SLMAP: variants seen among roughly 807,000 people sequenced by gnomAD.
The protein encoded by SLMAP is sarcolemma associated protein.
A neutral mutation model predicts 128.8 loss-of-function variants in SLMAP; 44 were observed. That is an observed-to-expected ratio of 0.34 (90% CI 0.27 to 0.44). The LOEUF (loss-of-function observed/expected upper bound fraction) is 0.44. SLMAP is among the 20% of genes least tolerant of loss of function. The pLI, the probability that SLMAP is intolerant of heterozygous loss-of-function variation, is 1.00. For missense variants in SLMAP, 787 were observed against 985.3 expected (o/e 0.80, Z 2.69); for synonymous variants, 327 against 348.8 (o/e 0.94, Z 0.70).
At chr3:57,868,785 G>T (rs2095375717) in intron 13 of SLMAP, among the ~76,000 whole-genome samples, 1 of 92,764 alleles carries the variant, frequency 1.1e-5, no homozygotes, top group African/African-American at 4.2e-5. Flanking sequence ...TAGAGGGACA[G>T]AACTAATGGA....
chr3:57,857,523 T>C (rs1329561629), intron 6 of SLMAP, among the ~76,000 whole-genome samples: 3 of 152,218 alleles, frequency 2.0e-5, no homozygotes, highest in African/African-American at 7.2e-5. Flanking sequence ...AAATATCTTG[T>C]ACTGCACTAT....
chr3:57,923,116 C>A, intron 23 of SLMAP, 93 bp downstream of exon 23: 2 of 1,145,250 alleles, frequency 1.7e-6, no homozygotes, highest in South Asian at 1.4e-5. Flanking sequence ...ATTTGTGAAG[C>A]AAATGGTACA....
At chr3:57,880,046 G>A (rs890810628) in intron 14 of SLMAP, among the ~76,000 whole-genome samples, 9 of 152,158 alleles carry the variant, frequency 5.9e-5, no homozygotes, top group Non-Finnish European at 1.0e-4. Context: ...TCCTCCCTGT[G>A]GAGGGCCTTA....
intron 10 of SLMAP, among the ~76,000 whole-genome samples, chr3:57,862,605 T>G (rs1483946738): frequency 8.0e-6 from 1 of 125,054 alleles, no homozygotes; most frequent in African/African-American, 3.1e-5. Flanking sequence ...ACCACTGCAC[T>G]CCAGCCTGGC....
chr3:57,923,847 C>T (rs541368894), intron 23 of SLMAP, among the ~76,000 whole-genome samples: 2 of 152,342 alleles, frequency 1.3e-5, no homozygotes, highest in South Asian at 4.1e-4. Flanking sequence ...ACACAGAATG[C>T]TCATGAGTTG....
chr3:57,838,199 A>G (rs1015487809), intron 3 of SLMAP, among the ~76,000 whole-genome samples: 29 of 152,164 alleles, frequency 1.9e-4, no homozygotes, highest in African/African-American at 6.8e-4. Context: ...AAGTGTAGGT[A>G]TTGCTGGATC....
chr3:57,853,681 C>G (rs2153584331), intron 6 of SLMAP, among the ~76,000 whole-genome samples: 1 of 152,048 alleles, frequency 6.6e-6, no homozygotes, highest in South Asian at 2.1e-4. Flanking sequence ...GTGGCTATGC[C>G]TGTAATCCCA....
intron 2 of SLMAP, among the ~76,000 whole-genome samples, chr3:57,761,072 A>G (rs73073946): frequency 0.15 from 21,559 of 148,198 alleles, 1,609 homozygotes; most frequent in South Asian, 0.22. Context: ...AATGGTACCT[A>G]TTATTGTTTT....
chr3:57,831,822 G>A (rs1209054191), intron 3 of SLMAP, among the ~76,000 whole-genome samples: 1 of 152,078 alleles, frequency 6.6e-6, no homozygotes, highest in Admixed American at 6.6e-5. Flanking sequence ...TATTATTGAT[G>A]ATGAGACTTA....
intron 17 of SLMAP, among the ~76,000 whole-genome samples, chr3:57,903,025 G>A (rs1468388298): frequency 6.6e-6 from 1 of 152,140 alleles, no homozygotes; most frequent in Non-Finnish European, 1.5e-5. Context: ...ACAGAGATAA[G>A]ATACACAAGA....
chr3:57,841,700 A>C (rs2093943979), intron 4 of SLMAP, among the ~76,000 whole-genome samples: 1 of 151,968 alleles, frequency 6.6e-6, no homozygotes, highest in African/African-American at 2.4e-5. Flanking sequence ...ATTCCTTTTT[A>C]TTTTCATTTA....
intron 2 of SLMAP, among the ~76,000 whole-genome samples, chr3:57,825,221 A>G (rs549864572): frequency 1.8e-3 from 264 of 148,872 alleles, no homozygotes; most frequent in African/African-American, 6.0e-3. Flanking sequence ...TCCAATTTCA[A>G]TGCCTTTTTT....
rs112568690 is a variant in SLMAP at position 57,769,482 on chromosome 3, C to T, written c.198+11633C>T. ...TGCTGGGATTACAGGCATGAGCCAC[C>T]GCGCCCGGCTGGATTTTTTTTTTTA... On this transcript the variant is annotated intron_variant, in intron 2 of 24. Transcript: ENST00000671191. 3.7e-3 allele frequency among the ~76,000 whole-genome samples: 564 copies of T among 152,104 alleles called. 4 individuals are homozygous for T. The highest frequency in any genetic ancestry group is 5.2e-3 in the Non-Finnish European group (353 of 67,988).
intron 2 of SLMAP, among the ~76,000 whole-genome samples, chr3:57,784,086 G>A (rs993094880): frequency 6.6e-6 from 1 of 152,156 alleles, no homozygotes; most frequent in Non-Finnish European, 1.5e-5. Flanking sequence ...ATGGATAGGC[G>A]GGGGGCCCAG....
At chr3:57,870,742 G>A (rs1384867317) in intron 13 of SLMAP, among the ~76,000 whole-genome samples, 1 of 152,162 alleles carries the variant, frequency 6.6e-6, no homozygotes, top group Non-Finnish European at 1.5e-5. Context: ...GCCAACTCAT[G>A]TGTCCCCTTT....
intron 5 of SLMAP, among the ~76,000 whole-genome samples, chr3:57,848,074 A>G (rs538588419): frequency 3.5e-4 from 54 of 152,272 alleles, no homozygotes; most frequent in African/African-American, 1.2e-3. Context: ...TTCCAAGCTT[A>G]ATAAGGACTG....
chr3:57,893,376 G>A (rs1330420843), intron 15 of SLMAP, among the ~76,000 whole-genome samples: 1 of 151,302 alleles, frequency 6.6e-6, no homozygotes, highest in Non-Finnish European at 1.5e-5. Context: ...CAAGGCTGCA[G>A]TTGTGCCACT....
intron 2 of SLMAP, among the ~76,000 whole-genome samples, chr3:57,777,916 T>C (rs1268745738): frequency 6.6e-6 from 1 of 152,250 alleles, no homozygotes; most frequent in Non-Finnish European, 1.5e-5. Context: ...GTTGATATGG[T>C]GAATTTCATT....
chr3:57,924,568 T>C (rs938095668), intron 23 of SLMAP, among the ~76,000 whole-genome samples: 6 of 152,144 alleles, frequency 3.9e-5, no homozygotes, highest in South Asian at 4.2e-4. Flanking sequence ...GGTTTCTCCA[T>C]GTTGGTCAGG....
Sources: gnomAD v4.1 joint callset for allele counts (sites outside exome capture counted in the v4.1 genomes callset) on GRCh38, gnomAD v4.1.1 for gene constraint, MANE v1.5 for transcripts, NCBI Gene and HGNC (gene_info 2026-07-23, HGNC 2026-07-21) for gene names.